The following ANXA11 variants were observed in gnomAD, a reference collection of about 807,000 sequenced individuals.
The protein encoded by ANXA11 is 56 kDa autoantigen.
ANXA11 carries 57 observed loss-of-function variants against 64.7 expected under a neutral mutation model. That is an observed-to-expected ratio of 0.88 (90% CI 0.71 to 1.10). The LOEUF (loss-of-function observed/expected upper bound fraction) is 1.10, where lower values mean the gene tolerates loss of function less well. Among genes scored for constraint, ANXA11 ranks in the 50% least tolerant of loss-of-function variants. The pLI, the probability that ANXA11 is intolerant of heterozygous loss-of-function variation, is 0.00. For missense variants in ANXA11, 675 were observed against 670.7 expected, an observed-to-expected ratio of 1.01 and a Z score of -0.07; for synonymous variants, 260 against 265.2, an observed-to-expected ratio of 0.98 and a Z score of 0.19.
intron 1 of ANXA11, among the ~76,000 whole-genome samples, chr10:80,194,349 T>C (rs1158171130): frequency 6.6e-6 from 1 of 152,004 alleles, no homozygotes; most frequent in Non-Finnish European, 1.5e-5. Context: ...TTCACAGCAA[T>C]CCCACCTGGG....
intron 1 of ANXA11, among the ~76,000 whole-genome samples, chr10:80,193,704 C>T (rs1221152886): frequency 8.8e-5 from 13 of 148,028 alleles, no homozygotes; most frequent in Non-Finnish European, 1.2e-4. Flanking sequence ...AGTAGTCTGG[C>T]GTGGTGGCGC....
intron 7 of ANXA11, 191 bp from the exon 8 acceptor site, chr10:80,166,388 CAA>C (rs1281297391): frequency 5.4e-6 from 3 of 556,832 alleles, no homozygotes; most frequent in Non-Finnish European, 9.6e-6. Context: ...CACATTTTAC[CAA>C]GATGCCCAGG....
chr10:80,156,022 T>C, intron 15 of ANXA11, 110 bp from the exon 16 acceptor site: 1 of 1,184,316 alleles, frequency 8.4e-7, no homozygotes, highest in African/African-American at 1.5e-5. Context: ...AGCCCCACCC[T>C]GGGGAATTTT....
chr10:80,193,508 CACA>C (rs1846859234), intron 1 of ANXA11, among the ~76,000 whole-genome samples: 1 of 151,952 alleles, frequency 6.6e-6, no homozygotes, highest in Non-Finnish European at 1.5e-5. Flanking sequence ...AATTATAAAG[CACA>C]ATAAAATAAG....
intron 7 of ANXA11, chr10:80,166,529 G>A (rs918781907): frequency 9.2e-6 from 4 of 436,274 alleles, no homozygotes; most frequent in South Asian, 2.7e-5. Flanking sequence ...CACGCCCCTC[G>A]TACTTGGGCA....
chr10:80,157,521 C>T (rs1845320792), intron 15 of ANXA11, 120 bp downstream of exon 15: 2 of 1,499,136 alleles, frequency 1.3e-6, no homozygotes, highest in Non-Finnish European at 1.8e-6. Flanking sequence ...GTCCGAGGTC[C>T]ATAATCAAGA....
At position 80,163,556 on chromosome 10, in the gene ANXA11, C is replaced by T. The variant is rs928719143; in HGVS notation, c.1007G>A (p.Arg336Gln). The T allele has an allele frequency of 1.1e-5, 17 of 1,575,318 alleles. No individual in the cohort carries two copies. Among genetic ancestry groups the T allele is most frequent in the Non-Finnish European group, 1.2e-5 (14 of 1,159,638 alleles). The part of the protein sequence containing the change: ...IRSDTSGHFQ[R>Q]LLISLSQGNR... The stretch of plus-strand genomic sequence containing the variant: ...TACCTGAGAGAGAGAGATGAGGAGC[C>T]GCTGGAAGTGCCCTGATGTGTCGCT... The change falls in exon 10 of 16, where the codon CGG becomes CAG. Residue 336 changes from arginine to glutamine, a missense_variant. Coordinates refer to ENST00000422982, the MANE Select transcript of ANXA11 (RefSeq NM_145868.2).
chr10:80,184,454 C>G (rs1846464878), intron 1 of ANXA11, among the ~76,000 whole-genome samples: 2 of 152,138 alleles, frequency 1.3e-5, no homozygotes, highest in African/African-American at 4.8e-5. Context: ...CTGGTTACAT[C>G]CCTTCTGAAA....
At chr10:80,190,125 G>C (rs900523528) in intron 1 of ANXA11, among the ~76,000 whole-genome samples, 1 of 152,222 alleles carries the variant, frequency 6.6e-6, no homozygotes, top group African/African-American at 2.4e-5. Flanking sequence ...AGGGAATGGG[G>C]AGTTTACATT....
chr10:80,183,651 C>A (rs1846435764), intron 1 of ANXA11, among the ~76,000 whole-genome samples: 1 of 152,234 alleles, frequency 6.6e-6, no homozygotes, highest in African/African-American at 2.4e-5. Context: ...ACGTGTGCCA[C>A]TTCTGTCCAA....
chr10:80,157,502 G>C, intron 15 of ANXA11, 139 bp downstream of exon 15: 1 of 1,479,610 alleles, frequency 6.8e-7, no homozygotes, highest in South Asian at 1.4e-5. Flanking sequence ...AGGGCAAGGG[G>C]ATGAACAAGT....
At chr10:80,166,844 G>T in intron 7 of ANXA11, 46 bp downstream of exon 7, 1 of 1,435,190 alleles carries the variant, frequency 7.0e-7, no homozygotes, top group Non-Finnish European at 9.6e-7. Context: ...GCTGTGCTGA[G>T]CCCAGGACAC....
chr10:80,162,561 C>T (rs1845557038), intron 11 of ANXA11, among the ~76,000 whole-genome samples: 1 of 152,228 alleles, frequency 6.6e-6, no homozygotes, highest in Admixed American at 6.5e-5. Context: ...AGTGCTCAAC[C>T]TTTTTGAGCC....
chr10:80,190,318 A>G (rs1589447679), intron 1 of ANXA11, among the ~76,000 whole-genome samples: 1 of 152,224 alleles, frequency 6.6e-6, no homozygotes, highest in East Asian at 1.9e-4. Context: ...TTAAGCCACA[A>G]GTTTGTGGTA....
intron 2 of ANXA11, among the ~76,000 whole-genome samples, chr10:80,173,892 A>T (rs1295922107): frequency 3.3e-5 from 5 of 152,356 alleles, no homozygotes; most frequent in Non-Finnish European, 7.3e-5. Context: ...GGGCTCCACC[A>T]CCAAGAGTTT....
chr10:80,179,965 AC>A (rs879731141), intron 1 of ANXA11, among the ~76,000 whole-genome samples: 5 of 152,154 alleles, frequency 3.3e-5, no homozygotes, highest in Non-Finnish European at 5.9e-5. Flanking sequence ...GTCTGGCATG[AC>A]AGCACTGCAT....
chr10:80,164,275 C>T (rs935012651), intron 8 of ANXA11, 132 bp from the exon 9 acceptor site: 4 of 639,222 alleles, frequency 6.3e-6, no homozygotes, highest in Non-Finnish European at 1.1e-5. Flanking sequence ...GACACACCCT[C>T]CAGCCACTCC....
rs1457417462 is a variant in ANXA11, at chr10:80,169,321, A to T, written c.209T>A (p.Met70Lys). 1 of 1,609,968 alleles carries T rather than the reference A, an allele frequency of 6.2e-7. No homozygotes were observed. Among genetic ancestry groups the T allele is most frequent in the Admixed American group, 1.7e-5 (1 of 59,974 alleles). Reference protein sequence around the residue: ...NMSGTFGGANMPNLYPGAPGA... With the variant: ...NMSGTFGGANKPNLYPGAPGA... ...AGGGGCCCCAGGGTACAGGTTGGGC[A>T]TGTTGGCTCCTCCAAATGTCCCAGA... Residue 70 changes from methionine to lysine, a missense_variant, in exon 5 of 16, where the codon ATG becomes AAG. By Grantham distance (95) the Met-to-Lys change is moderately conservative. Coordinates refer to ENST00000422982, the MANE Select transcript of ANXA11 (RefSeq NM_145868.2).
intron 2 of ANXA11, among the ~76,000 whole-genome samples, chr10:80,174,085 C>T (rs932470554): frequency 1.2e-4 from 18 of 152,144 alleles, no homozygotes; most frequent in Non-Finnish European, 2.1e-4. Flanking sequence ...GACAGGGTCT[C>T]GCTCTGTCAC....
Sources: gnomAD v4.1 joint callset for allele counts (sites outside exome capture counted in the v4.1 genomes callset) on GRCh38, gnomAD v4.1.1 for gene constraint, MANE v1.5 for transcripts, NCBI Gene and HGNC (gene_info 2026-07-23, HGNC 2026-07-21) for gene names.